The following NHERF2 variants were observed in gnomAD, a reference collection of about 807,000 sequenced individuals.
NHERF2 encodes the protein NHERF family PDZ scaffold protein 2.
At chr16:2,034,794 C>T in the NHERF2 span, among the ~76,000 whole-genome samples, 9 of 147,414 alleles carry the variant, frequency 6.1e-5, no homozygotes, top group African/African-American at 2.3e-4. Flanking sequence ...CTTCCCCTCC[C>T]GAACTGGACT....
chr16:2,036,897 G>C, the NHERF2 span: 7 of 1,600,744 alleles, frequency 4.4e-6, no homozygotes, highest in Non-Finnish European at 5.1e-6. Flanking sequence ...CCACGGCCCA[G>C]GGCACAGGGT....
the NHERF2 span, chr16:2,036,610 C>G: frequency 6.6e-7 from 1 of 1,522,686 alleles, no homozygotes; most frequent in Non-Finnish European, 8.8e-7. Context: ...TGAGCTGGTG[C>G]GCCTCCTGCT....
the NHERF2 span, among the ~76,000 whole-genome samples, chr16:2,028,345 C>G: frequency 6.6e-6 from 1 of 152,214 alleles, no homozygotes; most frequent in East Asian, 1.9e-4. Flanking sequence ...GGGCCTGGAC[C>G]TGAGGGATTG....
chr16:2,037,029 G>C, the NHERF2 span: 1 of 1,548,350 alleles, frequency 6.5e-7, no homozygotes, highest in Non-Finnish European at 8.7e-7. Flanking sequence ...TGAGACACAG[G>C]GTGCCTCTGG....
At chr16:2,038,175 A>AG in the NHERF2 span, 1 of 629,214 alleles carries the variant, frequency 1.6e-6, no homozygotes, top group African/African-American at 1.8e-5. Flanking sequence ...GCAGCAAGAT[A>AG]GGGGGAGAGA....
At chr16:2,033,346 G>A in the NHERF2 span, 8 of 1,533,136 alleles carry the variant, frequency 5.2e-6, no homozygotes, top group East Asian at 2.4e-5. Context: ...TCACTGTGCC[G>A]CTGTCATGGC....
chr16:2,027,636 C>T, the NHERF2 span, among the ~76,000 whole-genome samples: 3 of 152,212 alleles, frequency 2.0e-5, no homozygotes, highest in Non-Finnish European at 4.4e-5. Flanking sequence ...TGTGCATGCG[C>T]CTGCCTGTGC....
the NHERF2 span, among the ~76,000 whole-genome samples, chr16:2,030,682 T>C: frequency 4.0e-5 from 6 of 150,956 alleles, no homozygotes; most frequent in African/African-American, 1.5e-4. Flanking sequence ...CTCACGCCTG[T>C]AATCCCAACA....
chr16:2,031,740 T>C, the NHERF2 span, among the ~76,000 whole-genome samples: 1 of 152,112 alleles, frequency 6.6e-6, no homozygotes, highest in Non-Finnish European at 1.5e-5. Context: ...GACCTGAGGT[T>C]TCTTTTTCTT....
chr16:2,038,405 CCCCCTTCCCCT>C, the NHERF2 span: 4,936 of 133,816 alleles, frequency 0.037, 34 homozygotes, highest in Middle Eastern at 0.12. Context: ...CAGAGACCCC[CCCCCTTCCCCT>C]CCCCCTTCCC....
the NHERF2 span, chr16:2,038,015 A>AC: frequency 6.2e-7 from 1 of 1,611,126 alleles, no homozygotes; most frequent in Non-Finnish European, 8.5e-7. Context: ...GGACCCTGGG[A>AC]CCCCTCCCGC....
chr16:2,029,790 G>A, the NHERF2 span: 7 of 1,548,628 alleles, frequency 4.5e-6, no homozygotes, highest in Admixed American at 3.9e-5. Flanking sequence ...AAGGTATGGC[G>A]GGCTTGGCCC....
chr16:2,037,304 C>T, the NHERF2 span, among the ~76,000 whole-genome samples: 139 of 152,332 alleles, frequency 9.1e-4, no homozygotes, highest in Admixed American at 1.8e-3. Flanking sequence ...GCGTTGCTCA[C>T]GCCGGCCATT....
At chr16:2,037,803 C>T in the NHERF2 span, 7 of 1,566,668 alleles carry the variant, frequency 4.5e-6, no homozygotes, top group Non-Finnish European at 6.1e-6. Flanking sequence ...CTCCAGACAC[C>T]CCACCCACCG....
the NHERF2 span, chr16:2,037,388 G>A: frequency 1.3e-6 from 1 of 768,042 alleles, no homozygotes; most frequent in Non-Finnish European, 2.2e-6. Flanking sequence ...CCCGGTGCCT[G>A]CCCCGCCGCA....
chr16:2,034,917 C>G, the NHERF2 span, among the ~76,000 whole-genome samples: 2 of 152,244 alleles, frequency 1.3e-5, no homozygotes, highest in Admixed American at 1.3e-4. Flanking sequence ...AAGCCCCACG[C>G]CTGTGCCACC....
chr16:2,037,392 C>T, the NHERF2 span: 41 of 786,240 alleles, frequency 5.2e-5, no homozygotes, highest in Admixed American at 6.7e-4. Flanking sequence ...GTGCCTGCCC[C>T]GCCGCATCTG....
At chr16:2,030,338 C>T in the NHERF2 span, among the ~76,000 whole-genome samples, 1 of 152,138 alleles carries the variant, frequency 6.6e-6, no homozygotes, top group Non-Finnish European at 1.5e-5. Context: ...CAGGAGGCTC[C>T]AGGGTGAGCC....
the NHERF2 span, chr16:2,038,760 G>C: frequency 1.1e-5 from 2 of 176,598 alleles, no homozygotes; most frequent in Non-Finnish European, 1.2e-5. Context: ...CCACGTCCCC[G>C]AGGAGGGCGG....
Sources: gnomAD v4.1 joint callset for allele counts (sites outside exome capture counted in the v4.1 genomes callset) on GRCh38, gnomAD v4.1.1 for gene constraint, MANE v1.5 for transcripts, NCBI Gene and HGNC (gene_info 2026-07-23, HGNC 2026-07-21) for gene names.